Variants in RGS6 observed in about 807,000 individuals in gnomAD.
RGS6 encodes regulator of G-protein signaling 6.
In RGS6, 30 loss-of-function variants were observed where a neutral mutation model predicts 78.5. The observed-to-expected ratio is 0.38, with a 90% CI of 0.29 to 0.52. RGS6 has a LOEUF of 0.52. Ranked by LOEUF, RGS6 falls within the 20% of genes least tolerant of loss-of-function variation. RGS6 has a pLI of 0.85. For synonymous variants in RGS6, 206 were observed against 206.0 expected (o/e 1.00, Z 0.00); for missense variants, 495 against 609.7 (o/e 0.81, Z 1.98).
chr14:71,961,644 G>C (rs2093206584), intron 1 of RGS6, among the ~76,000 whole-genome samples: 1 of 152,162 alleles, frequency 6.6e-6, no homozygotes, highest in Non-Finnish European at 1.5e-5. Flanking sequence ...GAAATGCAAG[G>C]TCCTAGCCCA....
chr14:72,425,396 C>G (rs928293795), intron 3 of RGS6, among the ~76,000 whole-genome samples: 4 of 152,306 alleles, frequency 2.6e-5, no homozygotes, highest in Non-Finnish European at 5.9e-5. Context: ...ACCTCAGCCT[C>G]CCAAAGTGCT....
intron 2 of RGS6, among the ~76,000 whole-genome samples, chr14:72,188,891 G>C (rs2097286992): frequency 1.3e-5 from 2 of 152,160 alleles, no homozygotes; most frequent in African/African-American, 2.4e-5. Flanking sequence ...ACAGAGCAGA[G>C]AAATTTATTA....
At chr14:72,374,095 C>T (rs1265873292) in intron 3 of RGS6, among the ~76,000 whole-genome samples, 1 of 152,022 alleles carries the variant, frequency 6.6e-6, no homozygotes, top group Non-Finnish European at 1.5e-5. Context: ...ACATTTATTT[C>T]TTTTTTTAAA....
At chr14:72,385,013 G>A (rs187520014) in intron 3 of RGS6, among the ~76,000 whole-genome samples, 72 of 152,246 alleles carry the variant, frequency 4.7e-4, no homozygotes, top group African/African-American at 1.6e-3. Context: ...GCCTCCCAAA[G>A]TGCTGGGATT....
At chr14:72,058,507 GTT>G (rs756553187) in intron 2 of RGS6, among the ~76,000 whole-genome samples, 1 of 144,752 alleles carries the variant, frequency 6.9e-6, no homozygotes, top group African/African-American at 2.5e-5. Flanking sequence ...TATATAAAGG[GTT>G]TTTTTTTTTG....
At chr14:72,443,187 T>C (rs1394483897) in intron 3 of RGS6, among the ~76,000 whole-genome samples, 1 of 152,212 alleles carries the variant, frequency 6.6e-6, no homozygotes, top group African/African-American at 2.4e-5. Flanking sequence ...CAGAGACTGC[T>C]AAATGTCTTT....
At chr14:72,108,063 G>A (rs771209887) in intron 2 of RGS6, among the ~76,000 whole-genome samples, 10 of 151,920 alleles carry the variant, frequency 6.6e-5, no homozygotes, top group East Asian at 3.9e-4. Context: ...CCATTTTCAC[G>A]TCAATGACAT....
chr14:71,968,500 T>C (rs1279279458), intron 2 of RGS6, among the ~76,000 whole-genome samples: 1 of 152,206 alleles, frequency 6.6e-6, no homozygotes, highest in Non-Finnish European at 1.5e-5. Flanking sequence ...GTCATAGGGA[T>C]TTTAGTAGCT....
At chr14:71,883,480 A>G in the RGS6 span, among the ~76,000 whole-genome samples, 6 of 152,218 alleles carry the variant, frequency 3.9e-5, no homozygotes, top group East Asian at 1.9e-4. Context: ...TCCTTAGACA[A>G]CCCTCAGTGT....
chr14:72,380,837 G>A (rs1021830473), intron 3 of RGS6, among the ~76,000 whole-genome samples: 7 of 149,808 alleles, frequency 4.7e-5, no homozygotes, highest in African/African-American at 1.7e-4. Flanking sequence ...GCAAAGGGAA[G>A]GAAATCAGTA....
At chr14:72,491,975 G>T (rs1388443796) in intron 12 of RGS6, among the ~76,000 whole-genome samples, 1 of 152,154 alleles carries the variant, frequency 6.6e-6, no homozygotes, top group Non-Finnish European at 1.5e-5. Flanking sequence ...TTTTTCTTGA[G>T]AGAAATTGAG....
At position 72,297,429 on chromosome 14, in the gene RGS6, ATT is replaced by A. The variant is rs56203938; in HGVS notation, c.85-54657_85-54656del. Among the ~76,000 whole-genome samples, 1,398 of 139,946 alleles carry A rather than the reference ATT, an allele frequency of 1.0e-2. 11 individuals are homozygous for A. The highest frequency in any genetic ancestry group is 0.024 in the South Asian group (112 of 4,670). The allele number at this position is 139,946 out of a possible 152,430, so 91.8% of individuals were successfully genotyped here. A position where few individuals can be genotyped will look rare whatever the true frequency, so the allele number is the denominator to read the frequency against. ...CATGGTATATATTATTATTATTATT[ATT>A]TTTTTTTTATACTTTAAGTTTTAGG... On this transcript the variant is annotated intron_variant, in intron 2 of 17. Transcript: ENST00000553525.
chr14:71,958,228 A>G (rs897029955), intron 1 of RGS6, among the ~76,000 whole-genome samples: 2 of 152,148 alleles, frequency 1.3e-5, no homozygotes, highest in African/African-American at 2.4e-5. Flanking sequence ...CCAAACATCT[A>G]CTTTATGTAG....
intron 2 of RGS6, among the ~76,000 whole-genome samples, chr14:71,994,420 A>G (rs2153195145): frequency 6.6e-6 from 1 of 152,208 alleles, no homozygotes; most frequent in East Asian, 1.9e-4. Flanking sequence ...CCTCGAATAC[A>G]GTGCTTTTCC....
At chr14:71,915,877 G>A in the RGS6 span, among the ~76,000 whole-genome samples, 8 of 152,288 alleles carry the variant, frequency 5.3e-5, no homozygotes, top group East Asian at 1.4e-3. Context: ...TATAAGCAGA[G>A]GAAATGTGGA....
At chr14:72,052,073 C>T (rs889011380) in intron 2 of RGS6, among the ~76,000 whole-genome samples, 2 of 152,022 alleles carry the variant, frequency 1.3e-5, no homozygotes, top group African/African-American at 4.8e-5. Flanking sequence ...TGCAGGGGAC[C>T]GAGAAAGATA....
intron 2 of RGS6, among the ~76,000 whole-genome samples, chr14:72,092,167 A>G (rs1193303555): frequency 6.6e-6 from 1 of 151,914 alleles, no homozygotes; most frequent in African/African-American, 2.4e-5. Context: ...CTGGGATTAC[A>G]GGTGCACGCC....
chr14:72,020,593 T>G (rs1475605345), intron 2 of RGS6, among the ~76,000 whole-genome samples: 1 of 152,226 alleles, frequency 6.6e-6, no homozygotes, highest in Non-Finnish European at 1.5e-5. Flanking sequence ...AGTGTGACTA[T>G]TCTCCAAGGT....
the RGS6 span, among the ~76,000 whole-genome samples, chr14:71,919,256 C>T: frequency 2.6e-5 from 4 of 152,128 alleles, no homozygotes; most frequent in African/African-American, 4.8e-5. Flanking sequence ...AGTAAGTGCC[C>T]GTGGGGGTGA....
Sources: gnomAD v4.1 joint callset for allele counts (sites outside exome capture counted in the v4.1 genomes callset) on GRCh38, gnomAD v4.1.1 for gene constraint, MANE v1.5 for transcripts, NCBI Gene and HGNC (gene_info 2026-07-23, HGNC 2026-07-21) for gene names.